Variants in ROBO2 observed in about 807,000 individuals in gnomAD.
The protein encoded by ROBO2 is roundabout homolog 2.
In ROBO2, 53 loss-of-function variants were observed where a neutral mutation model predicts 160.8. That is an observed-to-expected ratio of 0.33 (90% CI 0.26 to 0.41). The LOEUF (loss-of-function observed/expected upper bound fraction) is 0.41, where lower values mean the gene tolerates loss of function less well. ROBO2 is among the 10% of genes least tolerant of loss of function. ROBO2 has a pLI of 1.00. For synonymous variants in ROBO2, 664 were observed against 611.7 expected (o/e 1.09, Z -1.26); for missense variants, 1,577 against 1,722.4 (o/e 0.92, Z 1.49).
intron 20 of ROBO2, chr3:77,602,999 G>A: frequency 2.2e-6 from 1 of 456,710 alleles, no homozygotes; most frequent in Non-Finnish European, 4.4e-6. Context: ...CACACAACCA[G>A]TCTCAGGATT....
At chr3:77,262,811 C>T (rs969519847) in intron 2 of ROBO2, among the ~76,000 whole-genome samples, 1 of 152,102 alleles carries the variant, frequency 6.6e-6, no homozygotes, top group Non-Finnish European at 1.5e-5. Flanking sequence ...CATTCCCCAG[C>T]ATTTACAGGA....
intron 2 of ROBO2, among the ~76,000 whole-genome samples, chr3:76,956,426 G>A (rs551623858): frequency 1.3e-4 from 19 of 151,972 alleles, no homozygotes; most frequent in South Asian, 1.2e-3. Flanking sequence ...GTGTGGTGGC[G>A]GACACCTGTA....
intron 2 of ROBO2, among the ~76,000 whole-genome samples, chr3:76,273,064 A>ATAT (rs1446802693): frequency 9.2e-6 from 1 of 108,536 alleles, no homozygotes; most frequent in Non-Finnish European, 1.7e-5. Context: ...ATATATAAAA[A>ATAT]ATATATATAA....
In ROBO2 at chr3:77,207,954, G is replaced by A. The variant is rs72893205; in HGVS notation, c.388+109614G>A. Among the ~76,000 whole-genome samples, 1,095 of 152,302 alleles carry A rather than the reference G, an allele frequency of 7.2e-3. 12 individuals are homozygous for A. Among genetic ancestry groups the A allele is most frequent in the African/African-American group, 0.024 (1,003 of 41,578 alleles). On this transcript the variant is annotated intron_variant, in intron 2 of 25. Coordinates refer to ENST00000461745, the Ensembl canonical transcript of ROBO2. ...GATTTCATACACAACAGGAGCTTGT[G>A]ATGGATTCGCTCCCACTGTGGGAAT...
intron 2 of ROBO2, among the ~76,000 whole-genome samples, chr3:76,897,292 T>C (rs1381620824): frequency 6.6e-6 from 1 of 151,844 alleles, no homozygotes; most frequent in Admixed American, 6.6e-5. Flanking sequence ...AAAAAAATGC[T>C]GGCTTTAACT....
At chr3:76,058,234 C>T (rs1413794377) in intron 2 of ROBO2, among the ~76,000 whole-genome samples, 1 of 152,050 alleles carries the variant, frequency 6.6e-6, no homozygotes, top group Non-Finnish European at 1.5e-5. Context: ...GGTATTGCTC[C>T]TAATACTGTC....
At chr3:76,212,780 A>G (rs1703228366) in intron 2 of ROBO2, among the ~76,000 whole-genome samples, 1 of 152,002 alleles carries the variant, frequency 6.6e-6, no homozygotes. Flanking sequence ...GAAATATCCC[A>G]GCATTCCTTA....
intron 2 of ROBO2, among the ~76,000 whole-genome samples, chr3:76,197,646 A>AT (rs919689721): frequency 3.3e-5 from 5 of 152,144 alleles, no homozygotes; most frequent in African/African-American, 9.7e-5. Flanking sequence ...TAGTGAAGGT[A>AT]TTTTTTTAAC....
chr3:77,552,325 A>G (rs1343428513), intron 8 of ROBO2, among the ~76,000 whole-genome samples: 6 of 152,022 alleles, frequency 3.9e-5, no homozygotes, highest in Admixed American at 3.3e-4. Flanking sequence ...AATATTTTAT[A>G]GAAGATTGAC....
exon 26 of ROBO2, chr3:77,646,309 G>A (rs1024737330): frequency 1.6e-5 from 6 of 379,970 alleles, no homozygotes; most frequent in African/African-American, 1.0e-4. Flanking sequence ...TCGCCCTACA[G>A]GAAGAAAAGG....
intron 2 of ROBO2, among the ~76,000 whole-genome samples, chr3:76,176,020 T>G (rs2073216704): frequency 6.6e-6 from 1 of 152,168 alleles, no homozygotes; most frequent in African/African-American, 2.4e-5. Flanking sequence ...GCCTCTGAAT[T>G]GTATTGATAT....
At chr3:75,980,879 A>G (rs1298567419) in intron 2 of ROBO2, among the ~76,000 whole-genome samples, 1 of 147,258 alleles carries the variant, frequency 6.8e-6, no homozygotes, top group Non-Finnish European at 1.5e-5. Context: ...GGGAATAATA[A>G]CATGCATTAT....
At chr3:76,412,518 A>C (rs1052406165) in intron 2 of ROBO2, among the ~76,000 whole-genome samples, 2 of 152,214 alleles carry the variant, frequency 1.3e-5, no homozygotes, top group South Asian at 4.1e-4. Context: ...GTTACTTGCT[A>C]GGTGCAATGG....
At chr3:77,151,818 C>G (rs1005794882) in intron 2 of ROBO2, among the ~76,000 whole-genome samples, 27 of 152,132 alleles carry the variant, frequency 1.8e-4, no homozygotes, top group African/African-American at 6.0e-4. Context: ...AGAAATTAAG[C>G]AATATCAGTT....
At chr3:76,634,482 C>T (rs964465751) in intron 2 of ROBO2, among the ~76,000 whole-genome samples, 2 of 151,832 alleles carry the variant, frequency 1.3e-5, no homozygotes, top group African/African-American at 2.4e-5. Flanking sequence ...GCAGGAGAAT[C>T]GCTTGAACCT....
intron 2 of ROBO2, among the ~76,000 whole-genome samples, chr3:76,533,827 T>G (rs1054267250): frequency 6.6e-6 from 1 of 151,678 alleles, no homozygotes; most frequent in Non-Finnish European, 1.5e-5. Flanking sequence ...AGGAGAAGAA[T>G]GTCCCAGGGT....
At chr3:77,310,451 T>C (rs1280043430) in intron 2 of ROBO2, among the ~76,000 whole-genome samples, 1 of 152,158 alleles carries the variant, frequency 6.6e-6, no homozygotes, top group Non-Finnish European at 1.5e-5. Context: ...AGGCAATGGA[T>C]CTAATTCTGT....
chr3:76,102,314 TATTA>T (rs1345186116), intron 2 of ROBO2, among the ~76,000 whole-genome samples: 1 of 152,036 alleles, frequency 6.6e-6, no homozygotes, highest in Admixed American at 6.5e-5. Flanking sequence ...TGGACTATTT[TATTA>T]GTTTCTTTTT....
At chr3:77,540,110 A>C (rs75987632) in intron 6 of ROBO2, among the ~76,000 whole-genome samples, 1 of 152,346 alleles carries the variant, frequency 6.6e-6, no homozygotes, top group African/African-American at 2.4e-5. Flanking sequence ...CTGTGATGCG[A>C]TGAAAAGCAC....
Sources: allele counts gnomAD v4.1 joint callset (sites outside exome capture counted in the v4.1 genomes callset), GRCh38; gene constraint gnomAD v4.1.1; transcripts MANE v1.5; gene names NCBI Gene and HGNC (gene_info 2026-07-23, HGNC 2026-07-21).